Variants in MARK1 observed in about 807,000 individuals in gnomAD.
MARK1 encodes microtubule affinity regulating kinase 1.
MARK1 carries 40 observed loss-of-function variants against 96.3 expected under a neutral mutation model. That is an observed-to-expected ratio of 0.42 (90% CI 0.32 to 0.54). The LOEUF is 0.54. MARK1 is among the 20% of genes least tolerant of loss of function. MARK1 has a pLI of 0.16. For synonymous variants in MARK1, 317 were observed against 341.2 expected, an observed-to-expected ratio of 0.93 and a Z score of 0.78; for missense variants, 719 against 984.6, an observed-to-expected ratio of 0.73 and a Z score of 3.61.
At chr1:220,645,848 TCAA>T (rs1048453924) in intron 13 of MARK1, among the ~76,000 whole-genome samples, 11 of 152,198 alleles carry the variant, frequency 7.2e-5, no homozygotes, top group African/African-American at 2.7e-4. Context: ...TCGATAAAAT[TCAA>T]CATCCCTTCA....
chr1:220,634,770 A>G (rs1397886409), intron 11 of MARK1, among the ~76,000 whole-genome samples: 1 of 152,206 alleles, frequency 6.6e-6, no homozygotes, highest in Non-Finnish European at 1.5e-5. Flanking sequence ...TAGTGTGTCA[A>G]CCTGCAGTTT....
Position 220,637,375 on chromosome 1 carries a change from T to C in MARK1, c.1470+1349T>C, listed in dbSNP as rs117993129. On this transcript the variant is annotated intron_variant, in intron 13 of 17. Coordinates refer to ENST00000366917, the MANE Select transcript of MARK1 (RefSeq NM_018650.5). ...GTTAGGCAGATGATAGGAGTAAGTT[T>C]AAGAAATCATTAGCAGTTAAGAGAG... is the stretch of plus-strand genomic sequence containing the variant. Among the ~76,000 whole-genome samples, 893 of 152,200 alleles carry C rather than the reference T, an allele frequency of 5.9e-3. 8 individuals carry two copies. The highest frequency in any genetic ancestry group is 7.1e-3 in the Non-Finnish European group (481 of 68,002).
chr1:220,652,068 C>G lies in MARK1; in HGVS notation c.1654C>G (p.Gln552Glu), dbSNP rs1009958335. 1 of 1,613,780 alleles carries G rather than the reference C, an allele frequency of 6.2e-7. No homozygotes were observed. The highest frequency in any genetic ancestry group is 8.5e-7 in the Non-Finnish European group (1 of 1,179,752). Residue 552 changes from glutamine (Q) to glutamate (E), a missense_variant, in exon 15 of 18, where the codon CAG (glutamine) becomes GAG (glutamate). Gln to Glu is a conservative substitution (Grantham distance 29). Transcript: ENST00000366917. ...SAVPSARPRHQKSMSTSGHPI... is the reference protein window; with the variant it reads ...SAVPSARPRHEKSMSTSGHPI... ...TGTCCCCTCAGCACGACCCCGCCAC[C>G]AGAAGTCCATGTCCACTTCTGGTCA...
At chr1:220,532,300 A>G (rs1236908682) in intron 1 of MARK1, among the ~76,000 whole-genome samples, 1 of 152,214 alleles carries the variant, frequency 6.6e-6, no homozygotes, top group East Asian at 1.9e-4. Flanking sequence ...TAATGGCATG[A>G]AGAAGCGAGA....
Position 220,653,299 on chromosome 1 carries a change from A to G in MARK1, c.1935A>G (p.Arg645=), listed in dbSNP as rs758012707. 6.2e-7 allele frequency: 1 copy of G among 1,614,238 alleles called. No individual in the cohort carries two copies. Among genetic ancestry groups the G allele is most frequent in the Non-Finnish European group, 8.5e-7 (1 of 1,180,040 alleles). The change falls in exon 16 of 18, where the codon AGA becomes AGG. Residue 645 remains arginine (R), a synonymous_variant. Coordinates refer to ENST00000366917, the MANE Select transcript of MARK1 (RefSeq NM_018650.5). The part of the protein sequence containing the change: ...SHETGAFAHA[R]RGTSTGIISK... ...AAACGGGTGCATTTGCACATGCCAG[A>G]AGGGGAACGTCAACTGGTATAATAA...
At position 220,652,146 on chromosome 1, in the gene MARK1, C is replaced by A; in HGVS notation, c.1732C>A (p.Pro578Thr). ...TAAAGACGGCTCTGAAGCTTACCGGCCTGGGTAATGTGTTGGTTACATCTC... is the reference window on the plus strand; with the variant it reads ...TAAAGACGGCTCTGAAGCTTACCGGACTGGGTAATGTGTTGGTTACATCTC... ...TIKDGSEAYR[P>T]GTTQRVPAAS... Residue 578 changes from proline to threonine, a missense_variant, in exon 15 of 18, where the codon CCT (proline) becomes ACT (threonine). By Grantham distance (38) the Pro-to-Thr change is conservative. This residue lies in a region of MARK1 where 501 missense variants were observed against 588.3 expected (regional missense o/e 0.85). Coordinates refer to ENST00000366917, the MANE Select transcript of MARK1 (RefSeq NM_018650.5). 1.2e-6 allele frequency: 2 copies of A among 1,601,212 alleles called. No homozygotes were observed. The highest frequency in any genetic ancestry group is 1.7e-6 in the Non-Finnish European group (2 of 1,169,644).
At chr1:220,608,387 G>T (rs1203694652) in intron 6 of MARK1, among the ~76,000 whole-genome samples, 2 of 152,126 alleles carry the variant, frequency 1.3e-5, no homozygotes, top group Non-Finnish European at 1.5e-5. Flanking sequence ...ATTTCTGTGG[G>T]ATCAATGGTG....
At chr1:220,628,190 T>A (rs1411914369) in intron 9 of MARK1, 1 of 152,182 alleles carries the variant, frequency 6.6e-6, no homozygotes, top group East Asian at 1.9e-4. Context: ...TCAAAAAGGC[T>A]CTCTCCTGTA....
chr1:220,657,404 A>G (rs1189557814), intron 16 of MARK1, among the ~76,000 whole-genome samples: 1 of 152,224 alleles, frequency 6.6e-6, no homozygotes, highest in Non-Finnish European at 1.5e-5. Context: ...TTGAGCGACT[A>G]CTAGAATTAT....
chr1:220,585,372 A>T (rs1664523994), intron 3 of MARK1, among the ~76,000 whole-genome samples: 1 of 152,202 alleles, frequency 6.6e-6, no homozygotes. Context: ...CAAGTGTTTT[A>T]AAGGTGATAC....
At chr1:220,608,009 A>C (rs931370385) in intron 6 of MARK1, among the ~76,000 whole-genome samples, 5 of 152,090 alleles carry the variant, frequency 3.3e-5, no homozygotes, top group Non-Finnish European at 1.5e-5. Flanking sequence ...ATTGGTCTAA[A>C]ATTCTCTTTG....
At chr1:220,548,672 G>A (rs1661661700) in intron 1 of MARK1, among the ~76,000 whole-genome samples, 1 of 152,142 alleles carries the variant, frequency 6.6e-6, no homozygotes, top group Non-Finnish European at 1.5e-5. Flanking sequence ...CTGGGAGGCA[G>A]AGACTGTGGT....
Position 220,647,511 on chromosome 1 carries a change from A to C in MARK1, c.1471-3109A>C, listed in dbSNP as rs149275527. 1.3e-3 allele frequency among the ~76,000 whole-genome samples: 195 copies of C among 152,332 alleles called. 2 individuals carry two copies. Among genetic ancestry groups the C allele is most frequent in the African/African-American group, 4.3e-3 (178 of 41,578 alleles). The stretch of plus-strand genomic sequence containing the variant: ...GATTCCTCAAAGATTTAGAACTGGA[A>C]ATATCATTTGACCCAGCAATCCCAT... On this transcript the variant is annotated intron_variant, in intron 13 of 17. Coordinates refer to ENST00000366917, the MANE Select transcript of MARK1 (RefSeq NM_018650.5).
intron 1 of MARK1, among the ~76,000 whole-genome samples, chr1:220,535,772 C>G (rs528542115): frequency 6.6e-6 from 1 of 152,096 alleles, no homozygotes. Context: ...AAAGACTGTC[C>G]TTTACCCATT....
chr1:220,548,376 C>T (rs557418563), intron 1 of MARK1, among the ~76,000 whole-genome samples: 3 of 152,254 alleles, frequency 2.0e-5, no homozygotes, highest in African/African-American at 7.2e-5. Flanking sequence ...CTAAATATAA[C>T]TGAAATGAAG....
intron 1 of MARK1, among the ~76,000 whole-genome samples, chr1:220,534,069 T>C (rs1303571469): frequency 6.6e-6 from 1 of 152,134 alleles, no homozygotes. Context: ...AATTTTTAAG[T>C]GTGCAGTACA....
In MARK1 at chr1:220,635,861, A is replaced by T. The variant is rs1199072951; in HGVS notation, c.1305A>T (p.Ser435=). 13 of 1,611,448 alleles carry T rather than the reference A, an allele frequency of 8.1e-6. No individual in the cohort carries two copies. The highest frequency in any genetic ancestry group is 1.3e-5 in the African/African-American group (1 of 74,750). ...HAGPSIPPAV[S]YTKRPQANSV... The stretch of plus-strand genomic sequence containing the variant: ...GTCCATCCATTCCTCCTGCTGTATC[A>T]TATACCAAAAGACCTCAGGCTAACA... Residue 435 remains serine (S), a synonymous_variant, in exon 13 of 18, where the codon TCA becomes TCT. Transcript: ENST00000366917.
intron 13 of MARK1, among the ~76,000 whole-genome samples, chr1:220,644,868 T>C (rs138486806): frequency 0.032 from 4,807 of 152,304 alleles, 108 homozygotes; most frequent in Middle Eastern, 0.068. Flanking sequence ...CAAGAAATTC[T>C]TTGAAACTAA....
intron 11 of MARK1, among the ~76,000 whole-genome samples, chr1:220,632,781 A>T (rs183254202): frequency 5.9e-5 from 9 of 152,344 alleles, no homozygotes; most frequent in Admixed American, 2.6e-4. Flanking sequence ...GATGCTTTCA[A>T]TTGGGAATTC....
Sources: allele counts gnomAD v4.1 joint callset (sites outside exome capture counted in the v4.1 genomes callset), GRCh38; gene constraint gnomAD v4.1.1; regional missense constraint gnomAD v4.1.1; transcripts MANE v1.5; gene names NCBI Gene and HGNC (gene_info 2026-07-23, HGNC 2026-07-21).